The following ARHGEF28 variants were observed in gnomAD, a reference collection of about 807,000 sequenced individuals.
ARHGEF28 encodes Rho guanine nucleotide exchange factor 28.
In ARHGEF28, 152 loss-of-function variants were observed where a neutral mutation model predicts 206.6. The observed-to-expected ratio is 0.74, with a 90% CI of 0.64 to 0.84. ARHGEF28 has a LOEUF of 0.84. ARHGEF28 is among the 40% of genes least tolerant of loss of function. ARHGEF28 has a pLI of 0.00. For missense variants in ARHGEF28, 2,028 were observed against 2,073.2 expected (o/e 0.98, Z 0.42); for synonymous variants, 763 against 776.4 (o/e 0.98, Z 0.29).
At chr5:73,928,926 T>A (rs1301136107) in intron 35 of ARHGEF28, among the ~76,000 whole-genome samples, 1 of 150,692 alleles carries the variant, frequency 6.6e-6, no homozygotes, top group Non-Finnish European at 1.5e-5. Flanking sequence ...AGTTCTGACT[T>A]CTTTTTATTT....
At chr5:73,735,189 A>C (rs538950179) in intron 2 of ARHGEF28, among the ~76,000 whole-genome samples, 1 of 151,694 alleles carries the variant, frequency 6.6e-6, no homozygotes, top group African/African-American at 2.4e-5. Context: ...TTATTAATTT[A>C]TTAAGTAATT....
At chr5:73,630,257 C>T (rs1171042732) in intron 1 of ARHGEF28, among the ~76,000 whole-genome samples, 1 of 152,200 alleles carries the variant, frequency 6.6e-6, no homozygotes, top group African/African-American at 2.4e-5. Context: ...TTAAGACTTA[C>T]TCCTTTTCTT....
rs538391408 is a variant in ARHGEF28, at chr5:73,832,413, T to A, written c.1100T>A (p.Leu367Gln). The A allele has an allele frequency of 6.2e-7, 1 of 1,612,590 alleles. No individual in the cohort carries two copies. Among genetic ancestry groups the A allele is most frequent in the Admixed American group, 1.7e-5 (1 of 59,866 alleles). Residue 367 changes from leucine to glutamine, a missense_variant, in exon 10 of 36, where the codon CTG becomes CAG. Physicochemically the swap from Leu to Gln is moderately radical, Grantham distance 113. Transcript: ENST00000513042. The stretch of plus-strand genomic sequence containing the variant: ...GCTGCAGGCCGGCTTTCAGACATGC[T>A]GAATGGAGGTGATGAAGTCTACGCT... The part of the protein sequence containing the change: ...LLAAGRLSDM[L>Q]NGGDEVYANC...
At chr5:73,712,335 T>A (rs1205766480) in intron 2 of ARHGEF28, among the ~76,000 whole-genome samples, 1 of 152,216 alleles carries the variant, frequency 6.6e-6, no homozygotes, top group Non-Finnish European at 1.5e-5. Flanking sequence ...GAACCCTTTG[T>A]CCTTGTGAAT....
At chr5:73,801,574 T>C (rs1263237731) in intron 9 of ARHGEF28, among the ~76,000 whole-genome samples, 1 of 152,226 alleles carries the variant, frequency 6.6e-6, no homozygotes, top group Non-Finnish European at 1.5e-5. Context: ...CATGTGTATC[T>C]AGACTGAAAC....
rs58978555 is a variant in ARHGEF28 at position 73,757,248 on chromosome 5, A to G, written c.475+4046A>G. Among the ~76,000 whole-genome samples the G allele has an allele frequency of 2.3e-3, 355 of 152,312 alleles. 1 individual carries two copies. The highest frequency in any genetic ancestry group is 7.7e-3 in the African/African-American group (318 of 41,568). On this transcript the variant is annotated intron_variant, in intron 4 of 35. Coordinates refer to ENST00000513042, the MANE Select transcript of ARHGEF28 (RefSeq NM_001177693.2). ...TCGGACCCACTGGACATTATAATGT[A>G]TTAGTGGCAGTGGCATCACAGGTGG...
rs1316666178 is a variant in ARHGEF28, at chr5:73,841,435, GT to G, written c.1427+676del. On this transcript the variant is annotated intron_variant, in intron 11 of 35. Transcript: ENST00000513042. ...AAAGAAAAACAAGAGGCCTGGCGTG[GT>G]GGCTCACGCCTGTAATTCCAGCACT... Among the ~76,000 whole-genome samples the G allele has an allele frequency of 5.9e-5, 9 of 152,152 alleles. No homozygotes were observed. In the South Asian group the frequency reaches 1.9e-3, roughly 31 times the overall value.
chr5:73,885,567 C>A (rs1328642563), intron 24 of ARHGEF28, among the ~76,000 whole-genome samples: 1 of 150,852 alleles, frequency 6.6e-6, no homozygotes, highest in African/African-American at 2.4e-5. Flanking sequence ...ACCTCTACCT[C>A]CCAGGCTCAA....
chr5:73,935,295 T>A (rs375619927), intron 35 of ARHGEF28, among the ~76,000 whole-genome samples: 1 of 152,088 alleles, frequency 6.6e-6, no homozygotes, highest in African/African-American at 2.4e-5. Flanking sequence ...ACAGCACACT[T>A]CAGTTGTTTT....
intron 24 of ARHGEF28, among the ~76,000 whole-genome samples, chr5:73,885,264 A>T (rs1032965793): frequency 7.9e-5 from 12 of 151,990 alleles, no homozygotes; most frequent in Non-Finnish European, 1.6e-4. Context: ...ACCTATGTCT[A>T]AGAAGGTGGA....
chr5:73,784,589 G>T (rs1335645184), intron 7 of ARHGEF28, among the ~76,000 whole-genome samples: 1 of 152,136 alleles, frequency 6.6e-6, no homozygotes, highest in Admixed American at 6.5e-5. Flanking sequence ...GATCTTGGAA[G>T]CTATTTTGAA....
intron 5 of ARHGEF28, among the ~76,000 whole-genome samples, chr5:73,775,220 T>C (rs1753475742): frequency 6.6e-6 from 1 of 152,260 alleles, no homozygotes; most frequent in Non-Finnish European, 1.5e-5. Context: ...TTGGTAGCTT[T>C]GTATCTTTTT....
chr5:73,782,231 G>A (rs1753892803), intron 7 of ARHGEF28, among the ~76,000 whole-genome samples: 1 of 151,982 alleles, frequency 6.6e-6, no homozygotes, highest in African/African-American at 2.4e-5. Flanking sequence ...CTGAGGTCGG[G>A]GGTTCGAGAC....
rs201386583 is a variant in ARHGEF28, at chr5:73,885,876, C to G, written c.3082C>G (p.Arg1028Gly). Residue 1028 changes from arginine (R) to glycine (G), a missense_variant, in exon 25 of 36, where the codon CGC (arginine) becomes GGC (glycine). Arg to Gly is a moderately radical substitution (Grantham distance 125). Coordinates refer to ENST00000513042, the MANE Select transcript of ARHGEF28 (RefSeq NM_001177693.2). ...AAGAACTGAGGAACATAAAGACTTA[C>G]GCAAAGCGCTTTGCTTAATTAAAGA... ...KERTEEHKDLRKALCLIKDMI... is the reference protein window; with the variant it reads ...KERTEEHKDLGKALCLIKDMI... 2 of 1,612,560 alleles carry G rather than the reference C, an allele frequency of 1.2e-6. No individual in the cohort carries two copies. The highest frequency in any genetic ancestry group is 2.2e-5 in the East Asian group (1 of 44,862).
chr5:73,878,505 G>C (rs182627385), intron 22 of ARHGEF28, among the ~76,000 whole-genome samples: 1 of 152,028 alleles, frequency 6.6e-6, no homozygotes. Context: ...AGTTGATGCA[G>C]TCTCTTCCTA....
At chr5:73,715,819 G>C (rs550840679) in intron 2 of ARHGEF28, among the ~76,000 whole-genome samples, 115 of 152,272 alleles carry the variant, frequency 7.6e-4, no homozygotes, top group Non-Finnish European at 1.3e-3. Flanking sequence ...GAGGAGTTGT[G>C]CCTTGAATTT....
chr5:73,779,456 C>T (rs1264503425), intron 6 of ARHGEF28, among the ~76,000 whole-genome samples: 2 of 151,958 alleles, frequency 1.3e-5, no homozygotes, highest in South Asian at 4.2e-4. Flanking sequence ...GAGAAAATAG[C>T]GTTTCCTTAT....
chr5:73,691,043 C>T (rs1233859934), intron 2 of ARHGEF28, among the ~76,000 whole-genome samples: 1 of 152,036 alleles, frequency 6.6e-6, no homozygotes, highest in Non-Finnish European at 1.5e-5. Context: ...AATCCTCCTG[C>T]CTCAGCTCCC....
intron 1 of ARHGEF28, among the ~76,000 whole-genome samples, chr5:73,634,142 T>A (rs1015520925): frequency 2.0e-5 from 3 of 152,226 alleles, no homozygotes; most frequent in African/African-American, 7.2e-5. Context: ...ATAGGTTTGA[T>A]AAACATTTAT....
Sources: gnomAD v4.1 joint callset for allele counts (sites outside exome capture counted in the v4.1 genomes callset) on GRCh38, gnomAD v4.1.1 for gene constraint, MANE v1.5 for transcripts, NCBI Gene and HGNC (gene_info 2026-07-23, HGNC 2026-07-21) for gene names.